The following PLEKHM1 variants were observed in gnomAD, a reference collection of about 807,000 sequenced individuals.
PLEKHM1 encodes pleckstrin homology domain-containing family M member 1.
A neutral mutation model predicts 94.3 loss-of-function variants in PLEKHM1; 28 were observed. The ratio of observed to expected loss-of-function variants is 0.30; its 90% confidence interval spans 0.22 to 0.41. The LOEUF (loss-of-function observed/expected upper bound fraction) is 0.41. Ranked by LOEUF, PLEKHM1 falls within the 10% of genes least tolerant of loss-of-function variation. The pLI is 1.00. For missense variants in PLEKHM1, 907 were observed against 1,358.6 expected, an observed-to-expected ratio of 0.67 and a Z score of 5.22; for synonymous variants, 424 against 581.2, an observed-to-expected ratio of 0.73 and a Z score of 3.89.
At chr17:45,484,001 G>A (rs2052035485) in intron 1 of PLEKHM1, among the ~76,000 whole-genome samples, 1 of 152,236 alleles carries the variant, frequency 6.6e-6, no homozygotes, top group Admixed American at 6.5e-5. Flanking sequence ...AGTGGGGCGT[G>A]GGCCATGCCT....
intron 9 of PLEKHM1, 107 bp from the exon 10 acceptor site, chr17:45,440,333 C>T (rs766477714): frequency 5.0e-5 from 57 of 1,148,638 alleles, no homozygotes; most frequent in Non-Finnish European, 6.4e-5. Flanking sequence ...AGACACCCCC[C>T]GCCTGGGCGG....
intron 4 of PLEKHM1, among the ~76,000 whole-genome samples, chr17:45,471,345 TG>T (rs61332406): frequency 1 from 129,963 of 129,964 alleles, 64,981 homozygotes; most frequent in Non-Finnish European, 1. Context: ...TATTAGTGGG[TG>T]GGGGATGTAA....
rs1018370792 is a variant in PLEKHM1 at position 45,445,236 on chromosome 17, C to T, written c.2837+234G>A. Among the ~76,000 whole-genome samples, 3 of 152,258 alleles carry T rather than the reference C, an allele frequency of 2.0e-5. No individual in the cohort carries two copies. The highest frequency in any genetic ancestry group is 6.5e-5 in the Admixed American group (1 of 15,288). ...GTTTCCTCCAGGTGGACGCCTTGCC[C>T]TGGGCACTGCCCCTGTGTGTGTGTG... On this transcript the variant is annotated intron_variant, in intron 9 of 11. Coordinates refer to ENST00000430334, the MANE Select transcript of PLEKHM1 (RefSeq NM_014798.3). The surrounding 1 kb of genome is among the most constrained non-coding windows in gnomAD (Gnocchi z 4.2).
intron 2 of PLEKHM1, 97 bp from the exon 3 acceptor site, chr17:45,478,244 C>A: frequency 7.3e-7 from 1 of 1,376,454 alleles, no homozygotes. Context: ...ACGTGTGCAA[C>A]CACATGCACA....
At chr17:45,439,274 C>T (rs750460533) in intron 11 of PLEKHM1, among the ~76,000 whole-genome samples, 20 of 152,244 alleles carry the variant, frequency 1.3e-4, no homozygotes, top group Non-Finnish European at 2.6e-4. Context: ...CTTGTCTTGT[C>T]CCCTGAGCTG....
chr17:45,490,711 G>C lies in PLEKHM1; in HGVS notation c.-101C>G, dbSNP rs1294860752. On this transcript the variant is annotated 5_prime_UTR_variant, in exon 1 of 12. Transcript: ENST00000430334. ...CGGCCGCGGCAGCCCCTCAGCCTCC[G>C]AGCCGACGATGCGGTCTCTCGGCCA... 11 of 451,324 alleles carry C rather than the reference G, an allele frequency of 2.4e-5. 1 individual carries two copies. Among genetic ancestry groups the C allele is most frequent in the South Asian group, 1.7e-4 (11 of 64,000 alleles). 28.0% of individuals were successfully genotyped at this position (451,324 alleles called of 1,614,324 possible). A position where few individuals can be genotyped will look rare whatever the true frequency, so the allele number is the denominator to read the frequency against.
intron 4 of PLEKHM1, among the ~76,000 whole-genome samples, chr17:45,468,798 C>T (rs1250976366): frequency 1.3e-5 from 2 of 152,118 alleles, no homozygotes; most frequent in Admixed American, 1.3e-4. Flanking sequence ...AGGCAGACTG[C>T]GTGGACAGGT....
rs149270060 is a variant in PLEKHM1, at chr17:45,445,543, G to A, written c.2764C>T (p.Arg922Trp). The A allele has an allele frequency of 1.9e-6, 3 of 1,613,854 alleles. No individual in the cohort carries two copies. Among genetic ancestry groups the A allele is most frequent in the Admixed American group, 1.7e-5 (1 of 60,018 alleles). The change falls in exon 9 of 12, where the codon CGG (arginine) becomes TGG (tryptophan). Residue 922 changes from arginine to tryptophan, a missense_variant. Arg to Trp is a moderately radical substitution (Grantham distance 101). Around this residue, in one of 3 missense-constraint regions of PLEKHM1, gnomAD observed 254 missense variants for 451.1 expected, o/e 0.56. Coordinates refer to ENST00000430334, the MANE Select transcript of PLEKHM1 (RefSeq NM_014798.3). The surrounding 1 kb of genome is among the most constrained non-coding windows in gnomAD (Gnocchi z 4.2). ...TCCCCCAGGAGCTTCAGCTGCTCCC[G>A]TCTCCTCCCAATGAGGTGCATCCGC... Reference protein sequence around the residue: ...VERMHLIGRRREQLKLLGDYL... With the variant: ...VERMHLIGRRWEQLKLLGDYL...
At chr17:45,474,063 T>A (rs1254244362) in intron 4 of PLEKHM1, among the ~76,000 whole-genome samples, 1 of 111,454 alleles carries the variant, frequency 9.0e-6, no homozygotes, top group African/African-American at 2.8e-5. Flanking sequence ...TATTTATTTA[T>A]TTTTTTTTTT....
At chr17:45,488,219 G>A (rs1489770575) in intron 1 of PLEKHM1, among the ~76,000 whole-genome samples, 1 of 152,120 alleles carries the variant, frequency 6.6e-6, no homozygotes, top group Non-Finnish European at 1.5e-5. Flanking sequence ...CTTCCATCCA[G>A]TATCACCCAG....
At chr17:45,474,045 AT>A (rs1159214090) in intron 4 of PLEKHM1, among the ~76,000 whole-genome samples, 1 of 149,720 alleles carries the variant, frequency 6.7e-6, no homozygotes, top group East Asian at 2.0e-4. Flanking sequence ...CAAATTTTTT[AT>A]TTTATTTATT....
chr17:45,435,449 T>C (rs1050045592), downstream of PLEKHM1, among the ~76,000 whole-genome samples: 4 of 152,192 alleles, frequency 2.6e-5, no homozygotes, highest in African/African-American at 9.6e-5. Context: ...CCATGAGCCC[T>C]GAATCGGGGG....
rs575202222 is a variant in PLEKHM1, at chr17:45,453,674, G to A, written c.2178C>T (p.His726=). 36 of 1,613,632 alleles carry A rather than the reference G, an allele frequency of 2.2e-5. No individual in the cohort carries two copies. The highest frequency in any genetic ancestry group is 1.1e-4 in the African/African-American group (8 of 74,978). The part of the protein sequence containing the change: ...RNNEKMLSDS[H]GVETIRDILP... Reference sequence around the variant, plus strand: ...GGATGTCCCGGATGGTCTCCACGCCGTGGCTGTCACTCAGCATCTTCTCAT... The same window carrying A: ...GGATGTCCCGGATGGTCTCCACGCCATGGCTGTCACTCAGCATCTTCTCAT... Residue 726 remains histidine, a synonymous_variant, in exon 7 of 12, where the codon CAC becomes CAT. Transcript: ENST00000430334. The surrounding 1 kb of genome is among the most constrained non-coding windows in gnomAD (Gnocchi z 4.1).
chr17:45,472,883 C>T (rs1250348009), intron 4 of PLEKHM1, among the ~76,000 whole-genome samples: 1 of 152,078 alleles, frequency 6.6e-6, no homozygotes. Flanking sequence ...TGAACCAAGG[C>T]GAGGGCACAG....
chr17:45,447,241 C>T (rs1229742453), intron 8 of PLEKHM1, among the ~76,000 whole-genome samples: 1 of 152,202 alleles, frequency 6.6e-6, no homozygotes, highest in Admixed American at 6.5e-5. Context: ...GACCTCTTGT[C>T]TCCCAGCTCC....
chr17:45,439,924 C>T (rs1298582441), intron 10 of PLEKHM1: 4 of 635,144 alleles, frequency 6.3e-6, no homozygotes, highest in Non-Finnish European at 1.1e-5. Context: ...GTATTCCAAA[C>T]TCTCTTCCCT....
chr17:45,484,436 C>T (rs2145357757), intron 1 of PLEKHM1, among the ~76,000 whole-genome samples: 1 of 152,340 alleles, frequency 6.6e-6, no homozygotes, highest in Middle Eastern at 3.4e-3. Context: ...ACTTTTAACT[C>T]TTTAGGCAAA....
chr17:45,468,216 G>A lies in PLEKHM1; in HGVS notation c.1301C>T (p.Thr434Ile), dbSNP rs1349266858. The change falls in exon 5 of 12, where the codon ACC becomes ATC. Residue 434 changes from threonine (T) to isoleucine (I), a missense_variant. By Grantham distance (89) the Thr-to-Ile change is moderately conservative. This residue lies in a region of PLEKHM1 where 477 missense variants were observed against 601.5 expected (regional missense o/e 0.79). Transcript: ENST00000430334. Reference protein sequence around the residue: ...AGLKLVVSSPTSPKNKSWISE... With the variant: ...AGLKLVVSSPISPKNKSWISE... ...ACGGCTTGCACCACTCACCGGACTG[G>A]TGGGTGAGGAAACTACCAGCTTCAG... The A allele has an allele frequency of 1.2e-6, 2 of 1,613,044 alleles. No individual in the cohort carries two copies. The highest frequency in any genetic ancestry group is 2.2e-5 in the East Asian group (1 of 44,884).
chr17:45,464,905 C>T (rs2051273862), intron 5 of PLEKHM1, among the ~76,000 whole-genome samples: 1 of 152,158 alleles, frequency 6.6e-6, no homozygotes. Context: ...TTGTCTCCTT[C>T]CTTCCAGTCC....
Sources: allele counts gnomAD v4.1 joint callset (sites outside exome capture counted in the v4.1 genomes callset), GRCh38; gene constraint gnomAD v4.1.1; regional missense constraint gnomAD v4.1.1; non-coding constraint Gnocchi (gnomAD v3.1); transcripts MANE v1.5; gene names NCBI Gene and HGNC (gene_info 2026-07-23, HGNC 2026-07-21).